Variants in NKAIN3 observed in about 807,000 individuals in gnomAD.
NKAIN3 encodes the protein sodium/potassium transporting ATPase interacting 3.
NKAIN3 carries 25 observed loss-of-function variants against 30.2 expected under a neutral mutation model. That is an observed-to-expected ratio of 0.83 (90% CI 0.60 to 1.16). The LOEUF (loss-of-function observed/expected upper bound fraction) is 1.16, where lower values mean the gene tolerates loss of function less well. Among genes scored for constraint, NKAIN3 ranks in the 50% most tolerant of loss-of-function variants. NKAIN3 has a pLI of 0.00. For synonymous variants in NKAIN3, 91 were observed against 89.6 expected, an observed-to-expected ratio of 1.02 and a Z score of -0.09; for missense variants, 225 against 254.1, an observed-to-expected ratio of 0.89 and a Z score of 0.78.
intron 4 of NKAIN3, among the ~76,000 whole-genome samples, chr8:62,889,313 T>A (rs1821233406): frequency 6.6e-6 from 1 of 151,942 alleles, no homozygotes. Context: ...GAGGTTACAG[T>A]GAGCCGAGAT....
At chr8:62,298,323 A>C (rs981640113) in intron 1 of NKAIN3, among the ~76,000 whole-genome samples, 10 of 152,110 alleles carry the variant, frequency 6.6e-5, no homozygotes, top group African/African-American at 2.4e-4. Flanking sequence ...AAAGTATCAT[A>C]ATAATAAAAT....
At chr8:62,425,435 T>A (rs963533520) in intron 1 of NKAIN3, among the ~76,000 whole-genome samples, 1 of 151,938 alleles carries the variant, frequency 6.6e-6, no homozygotes, top group African/African-American at 2.4e-5. Flanking sequence ...ATGTACCTGC[T>A]ACAAAACTCA....
intron 1 of NKAIN3, among the ~76,000 whole-genome samples, chr8:62,298,090 A>G (rs981687165): frequency 2.7e-5 from 4 of 148,196 alleles, no homozygotes; most frequent in South Asian, 4.3e-4. Flanking sequence ...ACCAAACACC[A>G]CATATTCTCA....
chr8:62,755,521 T>G (rs955104637), intron 4 of NKAIN3, among the ~76,000 whole-genome samples: 5 of 152,326 alleles, frequency 3.3e-5, no homozygotes, highest in Admixed American at 2.6e-4. Flanking sequence ...TGTCAAATGC[T>G]AAATATATTG....
chr8:62,737,588 T>G (rs2130560134), intron 3 of NKAIN3, among the ~76,000 whole-genome samples: 1 of 152,298 alleles, frequency 6.6e-6, no homozygotes, highest in South Asian at 2.1e-4. Context: ...TGGCAATTCT[T>G]CAAGAAAATG....
intron 4 of NKAIN3, among the ~76,000 whole-genome samples, chr8:62,894,695 G>A (rs551991813): frequency 1.3e-5 from 2 of 152,216 alleles, no homozygotes; most frequent in East Asian, 3.9e-4. Flanking sequence ...ACATAAAAGA[G>A]CCCAAATAGA....
chr8:62,386,477 A>T (rs1817428022), intron 1 of NKAIN3, among the ~76,000 whole-genome samples: 1 of 152,224 alleles, frequency 6.6e-6, no homozygotes, highest in Non-Finnish European at 1.5e-5. Context: ...TAGGAATACT[A>T]GTTCCTTATT....
At chr8:62,343,848 A>T (rs1162315062) in intron 1 of NKAIN3, among the ~76,000 whole-genome samples, 1 of 152,022 alleles carries the variant, frequency 6.6e-6, no homozygotes, top group Non-Finnish European at 1.5e-5. Context: ...GTTTATAGAA[A>T]CTTTTGAATT....
intron 3 of NKAIN3, among the ~76,000 whole-genome samples, chr8:62,710,777 C>T (rs1258156050): frequency 6.6e-6 from 1 of 151,960 alleles, no homozygotes; most frequent in Non-Finnish European, 1.5e-5. Flanking sequence ...TGCCTGTGTA[C>T]TTTGTTTCTT....
chr8:62,779,229 G>T (rs1266359555), intron 4 of NKAIN3, among the ~76,000 whole-genome samples: 2 of 152,048 alleles, frequency 1.3e-5, no homozygotes, highest in African/African-American at 4.8e-5. Flanking sequence ...CATCTCACTA[G>T]GTCACATGCT....
At chr8:62,277,621 CTAAGT>C (rs771594628) in intron 1 of NKAIN3, among the ~76,000 whole-genome samples, 59 of 152,192 alleles carry the variant, frequency 3.9e-4, no homozygotes, top group East Asian at 5.8e-4. Flanking sequence ...TTCACTTAAG[CTAAGT>C]TATTTTTCTA....
At chr8:62,364,828 C>CAAAAAA (rs58784999) in intron 1 of NKAIN3, among the ~76,000 whole-genome samples, 21,461 of 63,260 alleles carry the variant, frequency 0.34, 6,912 homozygotes, top group South Asian at 0.43. Context: ...GACTCCACTA[C>CAAAAAA]AAAAAAAAAA....
intron 4 of NKAIN3, among the ~76,000 whole-genome samples, chr8:62,751,199 G>C (rs927442511): frequency 8.5e-5 from 13 of 152,078 alleles, no homozygotes; most frequent in African/African-American, 2.9e-4. Flanking sequence ...GCATGGAATG[G>C]GTTCTCCCCC....
chr8:62,362,166 G>C (rs538622161), intron 1 of NKAIN3, among the ~76,000 whole-genome samples: 44 of 152,264 alleles, frequency 2.9e-4, no homozygotes, highest in African/African-American at 1.1e-3. Context: ...AAATGAATGA[G>C]CATCAATAAC....
At chr8:62,847,724 C>T (rs1452793685) in intron 4 of NKAIN3, among the ~76,000 whole-genome samples, 3 of 152,132 alleles carry the variant, frequency 2.0e-5, no homozygotes, top group Non-Finnish European at 2.9e-5. Context: ...TTTGCAATTG[C>T]TTCTAGCATC....
chr8:62,455,739 C>T (rs963163696), intron 1 of NKAIN3, among the ~76,000 whole-genome samples: 1 of 152,154 alleles, frequency 6.6e-6, no homozygotes, highest in Non-Finnish European at 1.5e-5. Flanking sequence ...AGTGTCCTTC[C>T]ATTGAAAGGA....
At chr8:62,300,830 T>A (rs1814023020) in intron 1 of NKAIN3, among the ~76,000 whole-genome samples, 1 of 152,182 alleles carries the variant, frequency 6.6e-6, no homozygotes. Context: ...TCCATTGAGT[T>A]ATTTACATGT....
At chr8:62,757,515 C>A (rs372195640) in intron 4 of NKAIN3, among the ~76,000 whole-genome samples, 1 of 152,168 alleles carries the variant, frequency 6.6e-6, no homozygotes, top group East Asian at 1.9e-4. Context: ...GTCCTTCCTG[C>A]TGTACCTTCC....
chr8:62,967,061 C>T lies in NKAIN3; in HGVS notation c.*1654C>T, dbSNP rs1283912746. On this transcript the variant is annotated 3_prime_UTR_variant, in exon 7 of 7. Transcript: ENST00000623646. ...TTTACCCCTTTAATCCATTGGTACC[C>T]ACAAACTCCCATTACTTTTTTTTCT... Among the ~76,000 whole-genome samples, 3 of 152,110 alleles carry T rather than the reference C, an allele frequency of 2.0e-5. No homozygotes were observed. Among genetic ancestry groups the T allele is most frequent in the Admixed American group, 1.3e-4 (2 of 15,256 alleles).
Sources: gnomAD v4.1 joint callset for allele counts (sites outside exome capture counted in the v4.1 genomes callset) on GRCh38, gnomAD v4.1.1 for gene constraint, MANE v1.5 for transcripts, NCBI Gene and HGNC (gene_info 2026-07-23, HGNC 2026-07-21) for gene names.